PDE8B: variants seen among roughly 807,000 people sequenced by gnomAD.
PDE8B encodes the protein high affinity cAMP-specific and IBMX-insensitive 3',5'-cyclic phosphodiesterase 8B.
In PDE8B, 26 loss-of-function variants were observed where a neutral mutation model predicts 101.3. That is an observed-to-expected ratio of 0.26 (90% confidence interval 0.19 to 0.36). PDE8B has a LOEUF of 0.36. Ranked by LOEUF, PDE8B falls within the 10% of genes least tolerant of loss-of-function variation. The pLI is 1.00. For missense variants in PDE8B, 810 were observed against 1,163.1 expected, an observed-to-expected ratio of 0.70 and a Z score of 4.42; for synonymous variants, 424 against 429.3, an observed-to-expected ratio of 0.99 and a Z score of 0.15.
At chr5:77,098,103 A>G in the PDE8B span, among the ~76,000 whole-genome samples, 3 of 152,028 alleles carry the variant, frequency 2.0e-5, no homozygotes, top group Non-Finnish European at 4.4e-5. Context: ...GGGAGCAAGG[A>G]GAGTAATGGA....
At chr5:77,270,671 T>A (rs1264634070) in intron 1 of PDE8B, among the ~76,000 whole-genome samples, 1 of 152,224 alleles carries the variant, frequency 6.6e-6, no homozygotes. Flanking sequence ...CAGAAGATAG[T>A]GATTTTTCCG....
In PDE8B at chr5:77,291,860, A is replaced by G. The variant is rs2149951776; in HGVS notation, c.340-20134A>G. On this transcript the variant is annotated intron_variant, in intron 1 of 21. Transcript: ENST00000264917. ...GGTGTTCGGCAGCTGTTTTTGAAGAAGACAAAGAAAATTAAAGTTTTCCTT... is the reference window on the plus strand; with the variant it reads ...GGTGTTCGGCAGCTGTTTTTGAAGAGGACAAAGAAAATTAAAGTTTTCCTT... The G allele has an allele frequency of 2.1e-6, 3 of 1,456,120 alleles. No individual in the cohort carries two copies. The African/African-American group carries it at 4.2e-5, about 20-fold the overall frequency. The allele number at this position is 1,456,120 out of a possible 1,614,324, so 90.2% of individuals were successfully genotyped here.
intron 17 of PDE8B, among the ~76,000 whole-genome samples, chr5:77,417,892 T>C (rs1795888090): frequency 6.6e-6 from 1 of 152,192 alleles, no homozygotes; most frequent in Non-Finnish European, 1.5e-5. Flanking sequence ...TTGGTAATAG[T>C]TGTGATCACA....
At chr5:77,300,393 T>C (rs1769646040) in intron 1 of PDE8B, among the ~76,000 whole-genome samples, 1 of 152,222 alleles carries the variant, frequency 6.6e-6, no homozygotes, top group African/African-American at 2.4e-5. Flanking sequence ...ATTTTCTGTT[T>C]TCTATTCCAC....
chr5:77,383,719 C>G (rs1285007330), intron 10 of PDE8B, among the ~76,000 whole-genome samples: 1 of 152,078 alleles, frequency 6.6e-6, no homozygotes, highest in Non-Finnish European at 1.5e-5. Flanking sequence ...TTTTCCCGAC[C>G]TCATTTATTA....
At chr5:77,363,092 C>G (rs1783433584) in intron 10 of PDE8B, among the ~76,000 whole-genome samples, 1 of 152,192 alleles carries the variant, frequency 6.6e-6, no homozygotes, top group Non-Finnish European at 1.5e-5. Context: ...TTCGTGTTGA[C>G]ACTTTGTATC....
chr5:77,352,639 C>T (rs948395625), intron 9 of PDE8B, among the ~76,000 whole-genome samples: 1 of 152,076 alleles, frequency 6.6e-6, no homozygotes, highest in African/African-American at 2.4e-5. Context: ...AAAAGTGAAC[C>T]AGGTAAAGAG....
At chr5:77,273,292 T>C (rs1244983216) in intron 1 of PDE8B, among the ~76,000 whole-genome samples, 1 of 152,252 alleles carries the variant, frequency 6.6e-6, no homozygotes, top group East Asian at 1.9e-4. Flanking sequence ...CTATCAATTC[T>C]ATCTGTAATT....
At chr5:77,185,277 A>T in the PDE8B span, among the ~76,000 whole-genome samples, 2 of 152,180 alleles carry the variant, frequency 1.3e-5, no homozygotes, top group Non-Finnish European at 2.9e-5. Flanking sequence ...ACCGAGATTG[A>T]CTTCTTTATA....
At chr5:77,387,553 T>C (rs987216618) in intron 10 of PDE8B, among the ~76,000 whole-genome samples, 7 of 152,208 alleles carry the variant, frequency 4.6e-5, no homozygotes, top group Admixed American at 4.6e-4. Context: ...TTGGGGTGTC[T>C]TGGGGTTGCT....
At chr5:77,358,548 A>G in intron 10 of PDE8B, 1 of 443,062 alleles carries the variant, frequency 2.3e-6, no homozygotes, top group Non-Finnish European at 3.0e-6. Flanking sequence ...TATTTTGAAA[A>G]CTAGTTTTTA....
the PDE8B span, among the ~76,000 whole-genome samples, chr5:77,118,051 C>T: frequency 1.3e-5 from 2 of 152,106 alleles, no homozygotes; most frequent in Non-Finnish European, 2.9e-5. Flanking sequence ...TCTTCTGCCA[C>T]AGCCTCCTGA....
At chr5:77,425,950 T>C in intron 21 of PDE8B, 54 bp downstream of exon 21, 1 of 1,530,710 alleles carries the variant, frequency 6.5e-7, no homozygotes, top group Non-Finnish European at 9.0e-7. Flanking sequence ...TTTACGAATA[T>C]TATCTTTAGT....
chr5:77,199,780 G>GTA, the PDE8B span, among the ~76,000 whole-genome samples: 1 of 152,124 alleles, frequency 6.6e-6, no homozygotes, highest in Non-Finnish European at 1.5e-5. Context: ...CACAAGAGAA[G>GTA]TATATAGAGA....
the PDE8B span, among the ~76,000 whole-genome samples, chr5:77,091,843 G>A: frequency 6.6e-6 from 1 of 152,154 alleles, no homozygotes; most frequent in African/African-American, 2.4e-5. Context: ...ACCACGTAAT[G>A]AGATACATGA....
intron 10 of PDE8B, among the ~76,000 whole-genome samples, chr5:77,400,001 C>G (rs1040667866): frequency 1.3e-5 from 2 of 152,310 alleles, no homozygotes; most frequent in African/African-American, 4.8e-5. Flanking sequence ...GATGTCCTGT[C>G]TAGAGAGTAT....
At chr5:77,169,016 C>CA in the PDE8B span, among the ~76,000 whole-genome samples, 1 of 152,174 alleles carries the variant, frequency 6.6e-6, no homozygotes, top group Admixed American at 6.5e-5. Context: ...GTAAAACCAA[C>CA]AGAGTCTGGG....
chr5:77,230,120 T>C (rs1753261425), intron 1 of PDE8B, among the ~76,000 whole-genome samples: 1 of 152,228 alleles, frequency 6.6e-6, no homozygotes, highest in Admixed American at 6.5e-5. Flanking sequence ...TTTTTTATTA[T>C]AACCATTCTT....
At chr5:77,116,222 A>ATTTTT in the PDE8B span, among the ~76,000 whole-genome samples, 7 of 92,790 alleles carry the variant, frequency 7.5e-5, no homozygotes, top group African/African-American at 3.0e-4. Context: ...ATATATATAT[A>ATTTTT]TATTTTTTTT....
Sources: allele counts gnomAD v4.1 joint callset (sites outside exome capture counted in the v4.1 genomes callset), GRCh38; gene constraint gnomAD v4.1.1; transcripts MANE v1.5; gene names NCBI Gene and HGNC (gene_info 2026-07-23, HGNC 2026-07-21).